PTDSS2: variants seen among roughly 807,000 people sequenced by gnomAD.
PTDSS2 encodes the protein phosphatidylserine synthase 2, also known as PSS-2.
Under a neutral mutation model 64.7 loss-of-function variants are expected in PTDSS2, and 41 were observed. That is an observed-to-expected ratio of 0.63 (90% CI 0.49 to 0.82). The LOEUF is 0.82. Ranked by LOEUF, PTDSS2 falls within the 40% of genes least tolerant of loss-of-function variation. The pLI is 0.00. For synonymous variants in PTDSS2, 297 were observed against 277.8 expected (o/e 1.07, Z -0.69); for missense variants, 485 against 650.0 (o/e 0.75, Z 2.76).
At chr11:488,393 G>A (rs921468370) in intron 7 of PTDSS2, 81 bp downstream of exon 7, 3 of 1,372,112 alleles carry the variant, frequency 2.2e-6, no homozygotes, top group Admixed American at 1.7e-5. Flanking sequence ...CGCGGCCCCT[G>A]GACCCCCTCA....
intron 1 of PTDSS2, among the ~76,000 whole-genome samples, chr11:453,227 G>C (rs1168550861): frequency 6.6e-6 from 1 of 152,182 alleles, no homozygotes; most frequent in East Asian, 1.9e-4. Flanking sequence ...ACAATTATGG[G>C]GAACATCCAG....
chr11:461,281 T>C lies in PTDSS2; in HGVS notation c.284+993T>C, dbSNP rs1175824155. On this transcript the variant is annotated intron_variant, in intron 2 of 11. Coordinates refer to ENST00000308020, the MANE Select transcript of PTDSS2 (RefSeq NM_030783.3). This position sits in a 1 kb window ranked among gnomAD's most constrained non-coding sequence, Gnocchi z 4.2. The stretch of plus-strand genomic sequence containing the variant: ...GAACGTCATCACGCTTGCACGGGCG[T>C]TGGTGGCCCTGTTTGCCCACTGATT... Among the ~76,000 whole-genome samples, 4 of 152,322 alleles carry C rather than the reference T, an allele frequency of 2.6e-5. No individual in the cohort carries two copies. The highest frequency in any genetic ancestry group is 9.6e-5 in the African/African-American group (4 of 41,574).
intron 2 of PTDSS2, among the ~76,000 whole-genome samples, chr11:465,761 C>G (rs963796080): frequency 5.6e-4 from 85 of 151,364 alleles, no homozygotes; most frequent in East Asian, 9.7e-4. Flanking sequence ...CCACCCCCCC[C>G]CCATCTCTAC....
intron 2 of PTDSS2, among the ~76,000 whole-genome samples, chr11:472,043 GGCGGATGGTGGCCTGGGGTAAC>G (rs1414592288): frequency 7.8e-6 from 1 of 128,410 alleles, no homozygotes; most frequent in South Asian, 2.5e-4. Context: ...GCGCCTGTCG[GGCGGATGGTGGCCTGGGGTAAC>G]GCGGATGGCG....
At chr11:465,760 C>G (rs910965921) in intron 2 of PTDSS2, among the ~76,000 whole-genome samples, 5 of 151,040 alleles carry the variant, frequency 3.3e-5, no homozygotes, top group Admixed American at 1.3e-4. Context: ...ACCACCCCCC[C>G]CCCATCTCTA....
chr11:459,329 C>T lies in PTDSS2; in HGVS notation c.183-858C>T, dbSNP rs1462602883. The T allele has an allele frequency of 2.1e-4, 31 of 146,936 alleles. 1 individual carries two copies. The highest frequency in any genetic ancestry group is 2.0e-3 in the Admixed American group (30 of 14,820). 9.1% of individuals were successfully genotyped at this position (146,936 alleles called of 1,614,324 possible). ...CGGTGGATGTCGGACCTGGGTTAGA[C>T]GTGAGGACACACTCCGGTGGATGTA... On this transcript the variant is annotated intron_variant, in intron 1 of 11. Transcript: ENST00000308020.
Position 490,841 on chromosome 11 carries a change from G to T in PTDSS2, c.*259G>T. On this transcript the variant is annotated 3_prime_UTR_variant, in exon 12 of 12. Transcript: ENST00000308020. The stretch of plus-strand genomic sequence containing the variant: ...GTGTACACATGCGTGGCCGCCTGTG[G>T]TGTGCACGTGTGCTCTGGGCTCCGA... 4.5e-6 allele frequency: 2 copies of T among 447,648 alleles called. No homozygotes were observed. The allele number at this position is 447,648 out of a possible 1,614,324, so 27.7% of individuals were successfully genotyped here.
intron 1 of PTDSS2, among the ~76,000 whole-genome samples, chr11:457,896 G>A (rs1270548812): frequency 6.6e-6 from 1 of 152,170 alleles, no homozygotes; most frequent in Non-Finnish European, 1.5e-5. Context: ...ATCTTGCTCC[G>A]AGACCTCACC....
chr11:471,720 T>C (rs1330806649), intron 2 of PTDSS2, among the ~76,000 whole-genome samples: 66 of 86,848 alleles, frequency 7.6e-4, no homozygotes, highest in East Asian at 1.2e-3. Context: ...TGGGGTGACG[T>C]GGATGGCGGC....
rs1564996246 is a variant in PTDSS2 at position 488,000 on chromosome 11, CCG to C, written c.622-198_622-197del. 5.9e-3 allele frequency among the ~76,000 whole-genome samples: 882 copies of C among 149,740 alleles called. 16 individuals are homozygous for C. Among genetic ancestry groups the C allele is most frequent in the African/African-American group, 0.02 (834 of 41,160 alleles). On this transcript the variant is annotated intron_variant, in intron 6 of 11. Transcript: ENST00000308020. ...CAGCCGGGGTGGGGGCTGCACGCAC[CCG>C]TGGGCAGGGCCGGGCGTGGCCTGCG...
At position 460,218 on chromosome 11, in the gene PTDSS2, C is replaced by T. The variant is rs1287115120; in HGVS notation, c.214C>T (p.Leu72Phe). The T allele has an allele frequency of 6.2e-7, 1 of 1,614,232 alleles. No homozygotes were observed. The highest frequency in any genetic ancestry group is 1.7e-5 in the Admixed American group (1 of 60,022). ...CCACACCTTAACCGTGCTCTTCATC[C>T]TCACCTGTACGCTTGGCTATGTGAC... Reference protein sequence around the residue: ...RAHTLTVLFILTCTLGYVTLL... With the variant: ...RAHTLTVLFIFTCTLGYVTLL... The change falls in exon 2 of 12, where the codon CTC becomes TTC. Residue 72 changes from leucine to phenylalanine, a missense_variant. Transcript: ENST00000308020. The surrounding 1 kb of genome is among the most constrained non-coding windows in gnomAD (Gnocchi z 5.8).
chr11:488,456 T>A lies in PTDSS2; in HGVS notation c.736-73T>A, dbSNP rs141945558. 1.6e-3 allele frequency: 2,291 copies of A among 1,405,474 alleles called. 25 individuals carry two copies. In the African/African-American group the frequency reaches 0.028, roughly 17 times the overall value. The allele number at this position is 1,405,474 out of a possible 1,614,324, so 87.1% of individuals were successfully genotyped here. ...CTGAGGGGCATTCTCGGTTCCCCTGTGCTCTTCCGGGGTCCTCCTCGGGGG... is the reference window on the plus strand; with the variant it reads ...CTGAGGGGCATTCTCGGTTCCCCTGAGCTCTTCCGGGGTCCTCCTCGGGGG... On this transcript the variant is annotated intron_variant, in intron 7 of 11. Coordinates refer to ENST00000308020, the MANE Select transcript of PTDSS2 (RefSeq NM_030783.3).
At chr11:488,079 G>C in intron 6 of PTDSS2, 120 bp from the exon 7 acceptor site, 1 of 690,078 alleles carries the variant, frequency 1.4e-6, no homozygotes, top group Non-Finnish European at 2.5e-6. Context: ...CCGTGGGCAG[G>C]GCCGGGCGTG....
intron 1 of PTDSS2, among the ~76,000 whole-genome samples, chr11:457,834 A>G (rs936314587): frequency 2.6e-5 from 4 of 152,190 alleles, no homozygotes; most frequent in Admixed American, 6.5e-5. Context: ...CAGACGTAGC[A>G]TAGGCCTCAC....
upstream of PTDSS2, chr11:448,352 C>A (rs1196469464): frequency 2.6e-5 from 4 of 152,146 alleles, no homozygotes; most frequent in Non-Finnish European, 5.9e-5. Flanking sequence ...GGAGGGCTCT[C>A]TGTGCAGTTT....
At chr11:478,147 A>C (rs79440439) in intron 3 of PTDSS2, among the ~76,000 whole-genome samples, 13,950 of 152,282 alleles carry the variant, frequency 0.092, 885 homozygotes, top group Admixed American at 0.17. Flanking sequence ...ATCAACATGA[A>C]AAAATTGATC....
intron 1 of PTDSS2, among the ~76,000 whole-genome samples, chr11:457,112 G>A (rs1339949632): frequency 6.6e-6 from 1 of 152,190 alleles, no homozygotes. Flanking sequence ...GACCCACATG[G>A]CAAGACCCCA....
At position 490,657 on chromosome 11, in the gene PTDSS2, G is replaced by A. The variant is rs186948283; in HGVS notation, c.*75G>A. 2.6e-3 allele frequency: 3,673 copies of A among 1,435,098 alleles called. 13 individuals are homozygous for A. The highest frequency in any genetic ancestry group is 2.8e-3 in the Middle Eastern group (12 of 4,232). The allele number at this position is 1,435,098 out of a possible 1,614,324, so 88.9% of individuals were successfully genotyped here. A position where few individuals can be genotyped will look rare whatever the true frequency, so the allele number is the denominator to read the frequency against. On this transcript the variant is annotated 3_prime_UTR_variant, in exon 12 of 12. Transcript: ENST00000308020. Reference sequence around the variant, plus strand: ...CCTCCTCCTGTGTGAGTCCCACCAGGAGCCACGTGCCCGGCCTTGCCCTCA... The same window carrying A: ...CCTCCTCCTGTGTGAGTCCCACCAGAAGCCACGTGCCCGGCCTTGCCCTCA...
chr11:461,862 G>C lies in PTDSS2; in HGVS notation c.284+1574G>C, dbSNP rs778086018. ...CCCTGTGGAGGGGCCACCTGGGGAC[G>C]CTGGACCTGTGGCTCTGGAGGCAGT... On this transcript the variant is annotated intron_variant, in intron 2 of 11. Transcript: ENST00000308020. This position sits in a 1 kb window ranked among gnomAD's most constrained non-coding sequence, Gnocchi z 4.2. 6.6e-6 allele frequency among the ~76,000 whole-genome samples: 1 copy of C among 152,190 alleles called. No individual in the cohort carries two copies. Among genetic ancestry groups the C allele is most frequent in the Non-Finnish European group, 1.5e-5 (1 of 68,034 alleles).
Sources: allele counts gnomAD v4.1 joint callset (sites outside exome capture counted in the v4.1 genomes callset), GRCh38; gene constraint gnomAD v4.1.1; non-coding constraint Gnocchi (gnomAD v3.1); transcripts MANE v1.5; gene names NCBI Gene and HGNC (gene_info 2026-07-23, HGNC 2026-07-21).